Variants in DOK6 observed in about 807,000 individuals in gnomAD.
DOK6 encodes the protein docking protein 6.
A neutral mutation model predicts 44.0 loss-of-function variants in DOK6; 22 were observed. The observed-to-expected ratio is 0.50, with a 90% CI of 0.36 to 0.71. The LOEUF (loss-of-function observed/expected upper bound fraction) is 0.71. Among genes scored for constraint, DOK6 ranks in the 30% least tolerant of loss-of-function variants. DOK6 has a pLI of 0.00. For missense variants in DOK6, 340 were observed against 416.4 expected (o/e 0.82, Z 1.60); for synonymous variants, 166 against 145.5 (o/e 1.14, Z -1.01).
chr18:69,757,426 A>G (rs1418200131), intron 6 of DOK6, among the ~76,000 whole-genome samples: 1 of 152,238 alleles, frequency 6.6e-6, no homozygotes, highest in African/African-American at 2.4e-5. Flanking sequence ...ATTCTTGTCC[A>G]TAGAAATGTA....
chr18:69,530,379 C>CA (rs1174168302), intron 1 of DOK6, among the ~76,000 whole-genome samples: 1 of 152,082 alleles, frequency 6.6e-6, no homozygotes, highest in African/African-American at 2.4e-5. Flanking sequence ...ATTGCACACC[C>CA]AAAAATGGCA....
At chr18:69,737,783 C>A (rs1320724005) in intron 5 of DOK6, among the ~76,000 whole-genome samples, 3 of 152,288 alleles carry the variant, frequency 2.0e-5, no homozygotes, top group African/African-American at 7.2e-5. Context: ...AGTGGACAAG[C>A]ACTCGACCTT....
intron 1 of DOK6, among the ~76,000 whole-genome samples, chr18:69,504,559 G>A (rs918673136): frequency 2.6e-5 from 4 of 151,976 alleles, no homozygotes; most frequent in Admixed American, 6.6e-5. Context: ...TGCATCCAAC[G>A]AATATTACAA....
chr18:69,541,343 T>A (rs1360674931), intron 1 of DOK6, among the ~76,000 whole-genome samples: 1 of 151,492 alleles, frequency 6.6e-6, no homozygotes, highest in Non-Finnish European at 1.5e-5. Flanking sequence ...CATAATGGCT[T>A]AATATATAAG....
At chr18:69,632,380 C>T (rs1238525554) in intron 3 of DOK6, among the ~76,000 whole-genome samples, 1 of 152,074 alleles carries the variant, frequency 6.6e-6, no homozygotes, top group East Asian at 1.9e-4. Flanking sequence ...CCATTTGAAA[C>T]TTATTATTTA....
At chr18:69,832,146 A>C (rs1981917881) in intron 7 of DOK6, among the ~76,000 whole-genome samples, 1 of 152,170 alleles carries the variant, frequency 6.6e-6, no homozygotes. Context: ...TTCCCCATTC[A>C]GTATGATACT....
At chr18:69,724,629 G>A (rs1354724309) in intron 5 of DOK6, among the ~76,000 whole-genome samples, 1 of 152,170 alleles carries the variant, frequency 6.6e-6, no homozygotes, top group Non-Finnish European at 1.5e-5. Flanking sequence ...GAGAAAAGTA[G>A]AAGAGATTCC....
In DOK6 at chr18:69,844,514, T is replaced by C. The variant is rs149882813; in HGVS notation, c.*3131T>C. On this transcript the variant is annotated 3_prime_UTR_variant, in exon 8 of 8. Coordinates refer to ENST00000382713, the MANE Select transcript of DOK6 (RefSeq NM_152721.6). ...CATGATTGATGCATGATATTACACT[T>C]AAAATGCAGGAGAGTACAAAACAAC... 9.4e-4 allele frequency: 143 copies of C among 152,222 alleles called. No individual in the cohort carries two copies. Among genetic ancestry groups the C allele is most frequent in the African/African-American group, 2.4e-3 (100 of 41,528 alleles). 9.4% of individuals were successfully genotyped at this position (152,222 alleles called of 1,614,324 possible).
chr18:69,642,811 T>C (rs550683916), intron 3 of DOK6, among the ~76,000 whole-genome samples: 1 of 152,338 alleles, frequency 6.6e-6, no homozygotes, highest in Middle Eastern at 3.4e-3. Flanking sequence ...TACTTGGATA[T>C]GGTAGATGTT....
intron 5 of DOK6, among the ~76,000 whole-genome samples, chr18:69,704,017 A>G (rs1295105994): frequency 2.0e-5 from 3 of 152,172 alleles, no homozygotes; most frequent in Non-Finnish European, 2.9e-5. Flanking sequence ...ACCAGGAAGA[A>G]AGCCCTCACC....
intron 3 of DOK6, among the ~76,000 whole-genome samples, chr18:69,602,118 A>G (rs1448968241): frequency 1.3e-5 from 2 of 152,130 alleles, no homozygotes; most frequent in African/African-American, 4.8e-5. Context: ...CTGTGCCTTA[A>G]GTGGGGGCTG....
chr18:69,583,732 A>T (rs1375671348), intron 2 of DOK6, among the ~76,000 whole-genome samples: 1 of 136,598 alleles, frequency 7.3e-6, no homozygotes, highest in Non-Finnish European at 1.6e-5. Context: ...GCCAGGCAAC[A>T]TAGTGAGATT....
intron 1 of DOK6, among the ~76,000 whole-genome samples, chr18:69,505,732 A>C (rs1401332217): frequency 6.6e-6 from 1 of 151,802 alleles, no homozygotes; most frequent in Non-Finnish European, 1.5e-5. Context: ...TCCTGACCTC[A>C]GGGATCCACC....
rs543691340 is a variant in DOK6, at chr18:69,533,306, C to T, written c.67-31181C>T. On this transcript the variant is annotated intron_variant, in intron 1 of 7. Coordinates refer to ENST00000382713, the MANE Select transcript of DOK6 (RefSeq NM_152721.6). ...CAAAATTAGTTCTGACAATTTTTCT[C>T]CTTTTTAAGCCATTTTAATTGTGTT... 3.0e-3 allele frequency among the ~76,000 whole-genome samples: 456 copies of T among 152,218 alleles called. 6 individuals are homozygous for T. The highest frequency in any genetic ancestry group is 0.01 in the African/African-American group (428 of 41,530).
At chr18:69,664,922 T>C (rs1183056206) in intron 3 of DOK6, among the ~76,000 whole-genome samples, 1 of 152,274 alleles carries the variant, frequency 6.6e-6, no homozygotes, top group East Asian at 1.9e-4. Context: ...CTCACGCCTG[T>C]AATCCCAGCA....
chr18:69,483,648 CA>C (rs1386386194), intron 1 of DOK6: 1 of 152,076 alleles, frequency 6.6e-6, no homozygotes, highest in Non-Finnish European at 1.5e-5. Flanking sequence ...CTTGTAACTC[CA>C]TTCTGCTCAG....
chr18:69,522,053 T>A (rs1457059770), intron 1 of DOK6, among the ~76,000 whole-genome samples: 1 of 152,008 alleles, frequency 6.6e-6, no homozygotes, highest in African/African-American at 2.4e-5. Context: ...TAACTAAAAG[T>A]TCCAGTGTTT....
At chr18:69,555,626 C>T (rs1982668559) in intron 1 of DOK6, among the ~76,000 whole-genome samples, 1 of 152,104 alleles carries the variant, frequency 6.6e-6, no homozygotes, top group Non-Finnish European at 1.5e-5. Flanking sequence ...ATTACGGTGT[C>T]TTCTAATTGG....
At chr18:69,469,806 GC>G (rs1470370631) in intron 1 of DOK6, 1 of 229,606 alleles carries the variant, frequency 4.4e-6, no homozygotes, top group Non-Finnish European at 9.1e-6. Context: ...CGGCAGAGGC[GC>G]CCCCACTGTC....
Sources: allele counts gnomAD v4.1 joint callset (sites outside exome capture counted in the v4.1 genomes callset), GRCh38; gene constraint gnomAD v4.1.1; transcripts MANE v1.5; gene names NCBI Gene and HGNC (gene_info 2026-07-23, HGNC 2026-07-21).